CDC42BPA: variants seen among roughly 807,000 people sequenced by gnomAD.
The protein encoded by CDC42BPA is serine/threonine-protein kinase MRCK alpha.
CDC42BPA carries 80 observed loss-of-function variants against 223.5 expected under a neutral mutation model. That is an observed-to-expected ratio of 0.36 (90% CI 0.30 to 0.43). CDC42BPA has a LOEUF of 0.43. Among genes scored for constraint, CDC42BPA ranks in the 20% least tolerant of loss-of-function variants. The pLI is 1.00. For synonymous variants in CDC42BPA, 694 were observed against 718.6 expected, an observed-to-expected ratio of 0.97 and a Z score of 0.55; for missense variants, 1,743 against 2,099.9, an observed-to-expected ratio of 0.83 and a Z score of 3.32.
At position 226,993,859 on chromosome 1, in the gene CDC42BPA, T is replaced by TC. The variant is rs1355920882; in HGVS notation, c.*408dup. 6.2e-6 allele frequency: 1 copy of TC among 161,022 alleles called. No homozygotes were observed. Among genetic ancestry groups the TC allele is most frequent in the Non-Finnish European group, 1.4e-5 (1 of 72,652 alleles). 10.0% of individuals were successfully genotyped at this position (161,022 alleles called of 1,614,324 possible). On this transcript the variant is annotated 3_prime_UTR_variant, in exon 37 of 37. Transcript: ENST00000366766. ...AGTGAGCCACTCCAGGGACCAATTCTCCCTTCTGGATGCGGAGAAGCCCAT... is the reference window on the plus strand; with the variant it reads ...AGTGAGCCACTCCAGGGACCAATTCTCCCCTTCTGGATGCGGAGAAGCCCAT...
intron 15 of CDC42BPA, among the ~76,000 whole-genome samples, chr1:227,100,777 T>TGC (rs1553337941): frequency 9.3e-5 from 12 of 128,510 alleles, no homozygotes; most frequent in Admixed American, 5.3e-4. Context: ...TGTGTGTGTG[T>TGC]GCGTGTGCCA....
chr1:227,175,543 T>C (rs1186802556), intron 5 of CDC42BPA, among the ~76,000 whole-genome samples: 1 of 152,174 alleles, frequency 6.6e-6, no homozygotes, highest in African/African-American at 2.4e-5. Flanking sequence ...TGTTCATATT[T>C]TCAGTTCATC....
At chr1:227,047,805 T>C in intron 23 of CDC42BPA, 122 bp downstream of exon 23, 1 of 597,678 alleles carries the variant, frequency 1.7e-6, no homozygotes, top group South Asian at 2.3e-5. Flanking sequence ...ACATAATTTA[T>C]TTTATAAGTT....
At chr1:227,212,115 A>C (rs1674028790) in intron 3 of CDC42BPA, among the ~76,000 whole-genome samples, 1 of 151,916 alleles carries the variant, frequency 6.6e-6, no homozygotes, top group East Asian at 1.9e-4. Context: ...TAAAAAAAAA[A>C]ACTAAAAGCA....
intron 24 of CDC42BPA, among the ~76,000 whole-genome samples, chr1:227,036,353 TC>T (rs1670223460): frequency 6.6e-6 from 1 of 151,154 alleles, no homozygotes; most frequent in African/African-American, 2.4e-5. Flanking sequence ...CTCAAAATGA[TC>T]CTCCTGTCTT....
At chr1:227,281,016 G>A (rs1687932816) in intron 1 of CDC42BPA, among the ~76,000 whole-genome samples, 1 of 152,092 alleles carries the variant, frequency 6.6e-6, no homozygotes, top group Non-Finnish European at 1.5e-5. Flanking sequence ...CTGTTCCATA[G>A]CCCAGATACT....
chr1:227,212,364 C>T (rs1674074998), intron 3 of CDC42BPA, among the ~76,000 whole-genome samples: 1 of 152,108 alleles, frequency 6.6e-6, no homozygotes, highest in Non-Finnish European at 1.5e-5. Flanking sequence ...TATTTTCTTA[C>T]TAATCTTACT....
At chr1:227,304,066 T>G (rs1320159731) in intron 1 of CDC42BPA, among the ~76,000 whole-genome samples, 1 of 152,208 alleles carries the variant, frequency 6.6e-6, no homozygotes, top group Non-Finnish European at 1.5e-5. Context: ...GTTTACAAAT[T>G]GCCAACTGCT....
chr1:227,228,935 C>T (rs12131459), intron 2 of CDC42BPA, among the ~76,000 whole-genome samples: 16,235 of 152,168 alleles, frequency 0.11, 1,182 homozygotes, highest in South Asian at 0.21. Context: ...TCATCAGATA[C>T]ATGATTTGCA....
chr1:227,253,639 CATACATACATTCATACATAA>C (rs371793713), intron 2 of CDC42BPA, among the ~76,000 whole-genome samples: 6 of 116,566 alleles, frequency 5.1e-5, no homozygotes, highest in African/African-American at 2.0e-4. Context: ...TACATACATA[CATACATACATTCATACATAA>C]AATAAAATAC....
chr1:227,004,837 C>A, intron 35 of CDC42BPA, 157 bp downstream of exon 35: 1 of 751,286 alleles, frequency 1.3e-6, no homozygotes, highest in Admixed American at 1.7e-5. Context: ...TGCATTTGTG[C>A]CTATTAGGCA....
chr1:227,020,224 A>G (rs1000830157), intron 32 of CDC42BPA, among the ~76,000 whole-genome samples: 3 of 152,086 alleles, frequency 2.0e-5, no homozygotes, highest in African/African-American at 7.2e-5. Context: ...AGGGCCTAGG[A>G]TTTTTTCAAA....
chr1:227,247,005 A>G (rs1681089347), intron 2 of CDC42BPA, among the ~76,000 whole-genome samples: 1 of 152,080 alleles, frequency 6.6e-6, no homozygotes, highest in Non-Finnish European at 1.5e-5. Context: ...GCTCGAGACC[A>G]GCCTGGCCAA....
intron 1 of CDC42BPA, among the ~76,000 whole-genome samples, chr1:227,298,097 ATC>A (rs1433336666): frequency 4.1e-5 from 6 of 146,998 alleles, no homozygotes; most frequent in Admixed American, 1.4e-4. Context: ...GTTTTTTTTT[ATC>A]TGTCTCAAAA....
chr1:227,317,136 T>C lies in CDC42BPA; in HGVS notation c.47A>G (p.Asp16Gly), dbSNP rs992981464. The C allele has an allele frequency of 1.2e-6, 2 of 1,613,114 alleles. No homozygotes were observed. The highest frequency in any genetic ancestry group is 2.2e-5 in the South Asian group (2 of 90,770). ...RLRQLEQFIL[D>G]GPAQTNGQCF... ...CTGCCCATTGGTCTGAGCGGGCCCG[T>C]CCAAAATAAACTGCTCCAACTGCCT... The change falls in exon 1 of 37, where the codon GAC (aspartate) becomes GGC (glycine). Residue 16 changes from aspartate (D) to glycine (G), a missense_variant. Coordinates refer to ENST00000366766, the MANE Select transcript of CDC42BPA (RefSeq NM_001394014.1).
chr1:227,127,956 T>G (rs924650817), intron 11 of CDC42BPA, among the ~76,000 whole-genome samples: 19 of 152,188 alleles, frequency 1.2e-4, no homozygotes, highest in Non-Finnish European at 4.4e-5. Context: ...TTCTGCTCTC[T>G]CTCCCTATCC....
rs763754434 is a variant in CDC42BPA at position 227,069,862 on chromosome 1, C to T, written c.2828-9G>A. ...GTCTTGGTGCTCTATACCTAGAAGA[C>T]AGCAGCAACTTTTTTTAAGGCTACA... On this transcript the variant is annotated splice_polypyrimidine_tract_variant and intron_variant, in intron 20 of 36. Transcript: ENST00000366766. 3 of 1,601,548 alleles carry T rather than the reference C, an allele frequency of 1.9e-6. No individual in the cohort carries two copies. Among genetic ancestry groups the T allele is most frequent in the Middle Eastern group, 1.7e-4 (1 of 6,022 alleles).
chr1:227,197,443 T>C (rs1481951178), intron 4 of CDC42BPA, among the ~76,000 whole-genome samples: 1 of 152,186 alleles, frequency 6.6e-6, no homozygotes, highest in Non-Finnish European at 1.5e-5. Flanking sequence ...GTTACGTCTT[T>C]AATTCTATTT....
intron 2 of CDC42BPA, among the ~76,000 whole-genome samples, chr1:227,245,439 T>A (rs1454110846): frequency 6.6e-6 from 1 of 152,000 alleles, no homozygotes; most frequent in Non-Finnish European, 1.5e-5. Context: ...CACAGGCACG[T>A]GCCACCTCAC....
Sources: allele counts gnomAD v4.1 joint callset (sites outside exome capture counted in the v4.1 genomes callset), GRCh38; gene constraint gnomAD v4.1.1; transcripts MANE v1.5; gene names NCBI Gene and HGNC (gene_info 2026-07-23, HGNC 2026-07-21).